The following ABR variants were observed in gnomAD, a reference collection of about 807,000 sequenced individuals.
ABR encodes active breakpoint cluster region-related protein.
A neutral mutation model predicts 107.2 loss-of-function variants in ABR; 35 were observed. The ratio of observed to expected loss-of-function variants is 0.33; its 90% confidence interval spans 0.25 to 0.43. The LOEUF (loss-of-function observed/expected upper bound fraction) is 0.43. ABR is among the 20% of genes least tolerant of loss of function. The probability of loss-of-function intolerance (pLI) is 1.00; values close to 1 mark genes in which losing one functional copy is unlikely to be tolerated. For missense variants in ABR, 815 were observed against 1,115.2 expected (o/e 0.73, Z 3.83); for synonymous variants, 498 against 462.0 (o/e 1.08, Z -1.00).
chr17:1,051,372 A>AT lies in ABR; in HGVS notation c.1562-739_1562-738insA, dbSNP rs761097864. 1.3e-4 allele frequency among the ~76,000 whole-genome samples: 20 copies of AT among 148,538 alleles called. No individual in the cohort carries two copies. Among genetic ancestry groups the AT allele is most frequent in the Non-Finnish European group, 2.7e-4 (18 of 66,816 alleles). On this transcript the variant is annotated intron_variant, in intron 14 of 22. Transcript: ENST00000302538. This position sits in a 1 kb window ranked among gnomAD's most constrained non-coding sequence, Gnocchi z 4.3. Reference sequence around the variant, plus strand: ...TGGGAACCCAGCTGGCACACGGTGAACGAGGCTCCCACCACCACCAAGCGC... The same window carrying AT: ...TGGGAACCCAGCTGGCACACGGTGAATCGAGGCTCCCACCACCACCAAGCGC...
chr17:1,079,681 TG>T (rs2036054126), intron 5 of ABR, among the ~76,000 whole-genome samples: 1 of 149,208 alleles, frequency 6.7e-6, no homozygotes, highest in Non-Finnish European at 1.5e-5. Flanking sequence ...CCCAGCTACT[TG>T]GGAGGCTGGG....
Position 1,010,604 on chromosome 17 carries a change from C to T in ABR, c.2236+125G>A, listed in dbSNP as rs868657272. On this transcript the variant is annotated intron_variant, in intron 20 of 22. Transcript: ENST00000302538. The surrounding 1 kb of genome is among the most constrained non-coding windows in gnomAD (Gnocchi z 4.1). ...CCTCGGACCCCTCAGCCACAGGCCC[C>T]AGTGCACTGGGAAGGTCAGCCAGCA... 2.2e-5 allele frequency: 30 copies of T among 1,350,720 alleles called. No homozygotes were observed. The Middle Eastern group carries it at 2.9e-3, about 130-fold the overall frequency. The allele number at this position is 1,350,720 out of a possible 1,614,324, so 83.7% of individuals were successfully genotyped here.
rs113217053 is a variant in ABR, at chr17:1,175,422, G to A, written c.61+4245C>T. On this transcript the variant is annotated intron_variant, in intron 1 of 22. Transcript: ENST00000302538. ...GCGAGACTCTGTCTCAAAAAAAAGA[G>A]AGCCTCAGAGAGAGCATCATAGCAA... Among the ~76,000 whole-genome samples the A allele has an allele frequency of 4.6e-3, 698 of 152,236 alleles. 4 individuals carry two copies. Among genetic ancestry groups the A allele is most frequent in the African/African-American group, 0.016 (656 of 41,544 alleles).
intron 16 of ABR, among the ~76,000 whole-genome samples, chr17:1,044,098 G>A (rs1597510539): frequency 6.6e-6 from 1 of 152,354 alleles, no homozygotes; most frequent in Admixed American, 6.5e-5. Flanking sequence ...GGTTGCAGCT[G>A]GAGCGGCAAG....
chr17:1,215,841 T>C (rs1253483518), intron 1 of ABR, among the ~76,000 whole-genome samples: 2 of 152,062 alleles, frequency 1.3e-5, no homozygotes, highest in African/African-American at 2.4e-5. Context: ...GAGAAAATCT[T>C]CTGCCTTGGG....
chr17:1,219,268 T>C (rs907937844), intron 1 of ABR, among the ~76,000 whole-genome samples: 6 of 151,992 alleles, frequency 3.9e-5, no homozygotes, highest in Non-Finnish European at 8.8e-5. Context: ...GGTCTCAAAC[T>C]CCTGAGCTCA....
intron 1 of ABR, among the ~76,000 whole-genome samples, chr17:1,218,199 A>G (rs1308749893): frequency 6.6e-6 from 1 of 152,212 alleles, no homozygotes. Context: ...GTGAGGTACA[A>G]TGATCCCCAT....
chr17:1,134,593 T>G (rs2039978751), intron 1 of ABR, among the ~76,000 whole-genome samples: 1 of 152,150 alleles, frequency 6.6e-6, no homozygotes, highest in Non-Finnish European at 1.5e-5. Context: ...CCAAATGATA[T>G]CCTCACAGCC....
chr17:1,076,806 T>TC (rs1376840057), intron 6 of ABR, among the ~76,000 whole-genome samples: 5 of 150,788 alleles, frequency 3.3e-5, no homozygotes, highest in African/African-American at 1.2e-4. Context: ...AAGTTTGTGC[T>TC]CCCCACGGCC....
rs550651563 is a variant in ABR at position 1,043,502 on chromosome 17, T to C, written c.1791+6548A>G. Among the ~76,000 whole-genome samples the C allele has an allele frequency of 4.6e-4, 70 of 152,282 alleles. 1 individual carries two copies. In the East Asian group the frequency reaches 6.2e-3, roughly 13 times the overall value. On this transcript the variant is annotated intron_variant, in intron 16 of 22. Transcript: ENST00000302538. Reference sequence around the variant, plus strand: ...TTATTAAAATGGTAACTTTATGTTATGTATATTTCACTACAATCTTTTATT... The same window carrying C: ...TTATTAAAATGGTAACTTTATGTTACGTATATTTCACTACAATCTTTTATT...
intron 18 of ABR, chr17:1,012,255 C>A (rs1251152569): frequency 1.2e-5 from 8 of 664,490 alleles, no homozygotes; most frequent in Non-Finnish European, 2.2e-5. Flanking sequence ...AAGAACGTCC[C>A]CCAGATTCAG....
rs573023725 is a variant in ABR, at chr17:1,056,028, C to T, written c.1561+7G>A. 3.1e-6 allele frequency: 5 copies of T among 1,613,668 alleles called. No homozygotes were observed. The South Asian group carries it at 4.4e-5, about 14-fold the overall frequency. On this transcript the variant is annotated splice_region_variant and intron_variant, in intron 14 of 22. Coordinates refer to ENST00000302538, the MANE Select transcript of ABR (RefSeq NM_021962.5). ...CCACCCAACCTCGTCCTGGCCAGGG[C>T]ACTTACTGGCTGATTGCTTAAATCC...
chr17:1,076,680 G>A (rs1445620973), intron 6 of ABR, among the ~76,000 whole-genome samples: 2 of 140,774 alleles, frequency 1.4e-5, no homozygotes, highest in Middle Eastern at 3.9e-3. Context: ...GCTGTGGAAT[G>A]AGCCCTGGAA....
At chr17:1,074,930 G>A (rs2035576803) in intron 6 of ABR, among the ~76,000 whole-genome samples, 1 of 152,146 alleles carries the variant, frequency 6.6e-6, no homozygotes, top group South Asian at 2.1e-4. Flanking sequence ...TGGGTAACAA[G>A]AGCAAAACTC....
intron 1 of ABR, among the ~76,000 whole-genome samples, chr17:1,201,860 G>T (rs1479027001): frequency 6.6e-6 from 1 of 152,138 alleles, no homozygotes; most frequent in African/African-American, 2.4e-5. Flanking sequence ...TGTATGTTTA[G>T]TAGAGATGGG....
chr17:1,074,048 CG>C (rs1567706059), intron 6 of ABR, among the ~76,000 whole-genome samples: 1 of 145,750 alleles, frequency 6.9e-6, no homozygotes, highest in Non-Finnish European at 1.5e-5. Flanking sequence ...AGCCACGCCC[CG>C]AAGAGTCCAG....
chr17:1,165,417 C>T (rs2041465729), intron 1 of ABR, among the ~76,000 whole-genome samples: 1 of 152,266 alleles, frequency 6.6e-6, no homozygotes, highest in African/African-American at 2.4e-5. Flanking sequence ...CCGGGAGCCA[C>T]CCCTGCCTGG....
At chr17:1,144,761 G>A (rs1425409007) in intron 1 of ABR, among the ~76,000 whole-genome samples, 1 of 152,038 alleles carries the variant, frequency 6.6e-6, no homozygotes, top group Admixed American at 6.6e-5. Context: ...GGGTGCAGTG[G>A]CTTCTGCCTG....
intron 16 of ABR, among the ~76,000 whole-genome samples, chr17:1,033,042 T>G (rs916696338): frequency 1.3e-5 from 2 of 152,106 alleles, no homozygotes; most frequent in South Asian, 2.1e-4. Flanking sequence ...CAGTGCCAAG[T>G]GAGGATGGGG....
Sources: gnomAD v4.1 joint callset for allele counts (sites outside exome capture counted in the v4.1 genomes callset) on GRCh38, gnomAD v4.1.1 for gene constraint, Gnocchi (gnomAD v3.1) non-coding constraint, MANE v1.5 for transcripts, NCBI Gene and HGNC (gene_info 2026-07-23, HGNC 2026-07-21) for gene names.